ARHGAP15: variants seen among roughly 807,000 people sequenced by gnomAD.
ARHGAP15 encodes the protein Rho GTPase activating protein 15, also known as rho GTPase-activating protein 15.
Under a neutral mutation model 63.7 loss-of-function variants are expected in ARHGAP15, and 51 were observed. The ratio of observed to expected loss-of-function variants is 0.80; its 90% CI spans 0.64 to 1.01. The LOEUF (loss-of-function observed/expected upper bound fraction) is 1.01, where lower values mean the gene tolerates loss of function less well. ARHGAP15 is among the 50% of genes least tolerant of loss of function. The pLI is 0.00. For synonymous variants in ARHGAP15, 191 were observed against 193.8 expected, an observed-to-expected ratio of 0.99 and a Z score of 0.12; for missense variants, 560 against 564.6, an observed-to-expected ratio of 0.99 and a Z score of 0.08.
rs114829168 is a variant in ARHGAP15, at chr2:143,265,786, C to A, written c.474+15186C>A. Among the ~76,000 whole-genome samples the A allele has an allele frequency of 2.5e-3, 378 of 152,028 alleles. 2 individuals carry two copies. The highest frequency in any genetic ancestry group is 8.8e-3 in the African/African-American group (366 of 41,496). On this transcript the variant is annotated intron_variant, in intron 6 of 13. Coordinates refer to ENST00000295095, the MANE Select transcript of ARHGAP15 (RefSeq NM_018460.4). ...ATAAACAAAAAGGTTTAACTTATTT[C>A]TTTCTGAATTTTTCTGACATAAATA... is the stretch of plus-strand genomic sequence containing the variant.
intron 6 of ARHGAP15, among the ~76,000 whole-genome samples, chr2:143,397,558 C>A (rs1357352498): frequency 2.3e-4 from 32 of 138,988 alleles, no homozygotes; most frequent in African/African-American, 7.8e-4. Context: ...AAAATATTGG[C>A]AAAAAAAAAC....
intron 6 of ARHGAP15, among the ~76,000 whole-genome samples, chr2:143,345,393 A>G (rs1478067904): frequency 6.6e-6 from 1 of 152,086 alleles, no homozygotes; most frequent in African/African-American, 2.4e-5. Context: ...AAGTGTGTCA[A>G]GGACATCACT....
intron 12 of ARHGAP15, among the ~76,000 whole-genome samples, chr2:143,630,891 A>G (rs1421693958): frequency 3.3e-5 from 5 of 152,082 alleles, no homozygotes; most frequent in African/African-American, 1.2e-4. Flanking sequence ...ATAAGTTTTG[A>G]CAAATGTTTG....
chr2:143,749,544 T>C (rs548818225), intron 13 of ARHGAP15, among the ~76,000 whole-genome samples: 1 of 152,314 alleles, frequency 6.6e-6, no homozygotes, highest in South Asian at 2.1e-4. Context: ...CTTGCGTACA[T>C]TATTTCAGCC....
At chr2:143,405,456 T>C (rs906880665) in intron 6 of ARHGAP15, among the ~76,000 whole-genome samples, 1 of 151,906 alleles carries the variant, frequency 6.6e-6, no homozygotes, top group African/African-American at 2.4e-5. Context: ...ACTCCCTTTA[T>C]AAAACATAAA....
In ARHGAP15 at chr2:143,246,888, T is replaced by C. The variant is rs116276166; in HGVS notation, c.385-3623T>C. On this transcript the variant is annotated intron_variant, in intron 5 of 13. Transcript: ENST00000295095. ...GTGGAGACAAGGTGAAGGAGTGAGA[T>C]TGTAAGGAGTGCAAGAGACGGGCAA... Among the ~76,000 whole-genome samples the C allele has an allele frequency of 2.6e-3, 390 of 151,684 alleles. 2 individuals are homozygous for C. Among genetic ancestry groups the C allele is most frequent in the African/African-American group, 9.1e-3 (377 of 41,316 alleles).
At chr2:143,551,906 C>T (rs1695582846) in intron 10 of ARHGAP15, among the ~76,000 whole-genome samples, 1 of 152,154 alleles carries the variant, frequency 6.6e-6, no homozygotes, top group Admixed American at 6.5e-5. Context: ...TGGAAACACT[C>T]ATTTCAACTT....
At chr2:143,760,055 T>G (rs1686708352) in intron 13 of ARHGAP15, among the ~76,000 whole-genome samples, 1 of 152,188 alleles carries the variant, frequency 6.6e-6, no homozygotes, top group Admixed American at 6.5e-5. Flanking sequence ...CACTAGATTT[T>G]AAGCTTCATC....
At chr2:143,318,559 G>T (rs1176379001) in intron 6 of ARHGAP15, among the ~76,000 whole-genome samples, 1 of 84,344 alleles carries the variant, frequency 1.2e-5, no homozygotes, top group Non-Finnish European at 2.2e-5. Context: ...CAAGAGACAA[G>T]AATCTTTTCC....
intron 8 of ARHGAP15, among the ~76,000 whole-genome samples, chr2:143,469,941 C>T (rs1691434524): frequency 6.6e-6 from 1 of 151,824 alleles, no homozygotes; most frequent in Non-Finnish European, 1.5e-5. Context: ...CTCAATCTGA[C>T]TCTCTCACTC....
intron 11 of ARHGAP15, among the ~76,000 whole-genome samples, chr2:143,583,262 A>G (rs1367363389): frequency 1.3e-5 from 2 of 152,228 alleles, no homozygotes; most frequent in Non-Finnish European, 2.9e-5. Flanking sequence ...AGTTTATCAC[A>G]TAAATATAAT....
intron 12 of ARHGAP15, among the ~76,000 whole-genome samples, chr2:143,680,263 C>T (rs190879736): frequency 1.3e-5 from 2 of 152,268 alleles, no homozygotes; most frequent in African/African-American, 4.8e-5. Flanking sequence ...GACAGGTAAC[C>T]ATTGACCAGG....
At chr2:143,680,406 T>C (rs1388323626) in intron 12 of ARHGAP15, among the ~76,000 whole-genome samples, 1 of 152,234 alleles carries the variant, frequency 6.6e-6, no homozygotes, top group East Asian at 1.9e-4. Flanking sequence ...ATGGATTTCC[T>C]TTTAATCTCT....
At chr2:143,737,805 G>A (rs191611258) in intron 13 of ARHGAP15, among the ~76,000 whole-genome samples, 65 of 151,922 alleles carry the variant, frequency 4.3e-4, no homozygotes, top group African/African-American at 1.5e-3. Context: ...TGCCCAGGCT[G>A]GAGTGCAATG....
chr2:143,766,973 A>C (rs1439903515), intron 13 of ARHGAP15: 9 of 152,152 alleles, frequency 5.9e-5, no homozygotes, highest in Non-Finnish European at 8.8e-5. Flanking sequence ...TTCCACACGG[A>C]GCTCTGAAGC....
intron 6 of ARHGAP15, among the ~76,000 whole-genome samples, chr2:143,404,526 C>G (rs1324496541): frequency 6.6e-6 from 1 of 151,888 alleles, no homozygotes; most frequent in Non-Finnish European, 1.5e-5. Flanking sequence ...ATGGGTACTT[C>G]TAATTTAAAA....
At chr2:143,542,572 G>T (rs1220868506) in intron 10 of ARHGAP15, among the ~76,000 whole-genome samples, 4 of 148,870 alleles carry the variant, frequency 2.7e-5, no homozygotes, top group Non-Finnish European at 4.4e-5. Flanking sequence ...TTGTGTGTGT[G>T]TGTGCACATA....
chr2:143,723,379 G>C (rs529230579), intron 13 of ARHGAP15, among the ~76,000 whole-genome samples: 1 of 152,234 alleles, frequency 6.6e-6, no homozygotes, highest in Non-Finnish European at 1.5e-5. Context: ...CTGGAGCAAA[G>C]CCGGAAAGCC....
At chr2:143,665,060 C>G (rs1398426484) in intron 12 of ARHGAP15, among the ~76,000 whole-genome samples, 2 of 152,062 alleles carry the variant, frequency 1.3e-5, no homozygotes, top group East Asian at 3.9e-4. Flanking sequence ...CTCCCTAACT[C>G]ATTTTATGAG....
Sources: allele counts gnomAD v4.1 joint callset (sites outside exome capture counted in the v4.1 genomes callset), GRCh38; gene constraint gnomAD v4.1.1; transcripts MANE v1.5; gene names NCBI Gene and HGNC (gene_info 2026-07-23, HGNC 2026-07-21).